The following RANBP17 variants were observed in gnomAD, a reference collection of about 807,000 sequenced individuals.
The protein encoded by RANBP17 is ran-binding protein 17.
In RANBP17, 158 loss-of-function variants were observed where a neutral mutation model predicts 141.2. The ratio of observed to expected loss-of-function variants is 1.12; its 90% CI spans 0.98 to 1.28. RANBP17 has a LOEUF of 1.28. Ranked by LOEUF, RANBP17 falls within the 50% of genes most tolerant of loss-of-function variation. The pLI, the probability that RANBP17 is intolerant of heterozygous loss-of-function variation, is 0.00. For synonymous variants in RANBP17, 430 were observed against 450.0 expected, an observed-to-expected ratio of 0.96 and a Z score of 0.56; for missense variants, 1,438 against 1,290.7, an observed-to-expected ratio of 1.11 and a Z score of -1.75.
chr5:171,053,076 T>C (rs1783066908), intron 14 of RANBP17, among the ~76,000 whole-genome samples: 1 of 152,176 alleles, frequency 6.6e-6, no homozygotes, highest in Non-Finnish European at 1.5e-5. Flanking sequence ...TGCCTCAGCA[T>C]CCCAAAGTCC....
intron 18 of RANBP17, among the ~76,000 whole-genome samples, chr5:171,186,337 C>T (rs1761233195): frequency 6.6e-6 from 1 of 152,072 alleles, no homozygotes; most frequent in Non-Finnish European, 1.5e-5. Flanking sequence ...TCCATCAGCA[C>T]TTGGCTGCTT....
At chr5:171,027,701 T>G (rs142802431) in intron 14 of RANBP17, among the ~76,000 whole-genome samples, 1 of 152,156 alleles carries the variant, frequency 6.6e-6, no homozygotes, top group Non-Finnish European at 1.5e-5. Context: ...CCTAATATAG[T>G]GATTTTTATC....
intron 14 of RANBP17, among the ~76,000 whole-genome samples, chr5:171,136,997 T>C (rs1324966872): frequency 5.3e-5 from 8 of 152,134 alleles, no homozygotes; most frequent in African/African-American, 1.9e-4. Context: ...GTGGCTGGCT[T>C]TTGTTTACCT....
chr5:170,881,736 G>C (rs1768712629), intron 2 of RANBP17, 70 bp from the exon 3 acceptor site: 2 of 1,103,020 alleles, frequency 1.8e-6, no homozygotes, highest in Non-Finnish European at 2.5e-6. Context: ...TTGCTTAGAA[G>C]AACATCTCTA....
chr5:170,986,082 A>G (rs1286839167), intron 14 of RANBP17, among the ~76,000 whole-genome samples: 3 of 152,048 alleles, frequency 2.0e-5, no homozygotes, highest in Non-Finnish European at 4.4e-5. Context: ...TCCCCAGCTC[A>G]CGCTTGTTGT....
intron 12 of RANBP17, among the ~76,000 whole-genome samples, chr5:170,934,430 C>T (rs536843316): frequency 6.6e-6 from 1 of 152,144 alleles, no homozygotes; most frequent in South Asian, 2.1e-4. Context: ...TAGTATTGGT[C>T]TTATTTGGCA....
At chr5:171,130,409 C>T (rs1467518728) in intron 14 of RANBP17, among the ~76,000 whole-genome samples, 1 of 145,772 alleles carries the variant, frequency 6.9e-6, no homozygotes, top group East Asian at 2.0e-4. Flanking sequence ...AAAATATGCT[C>T]AATCAGAATA....
intron 25 of RANBP17, among the ~76,000 whole-genome samples, chr5:171,282,517 C>T (rs1028551348): frequency 6.6e-6 from 1 of 151,986 alleles, no homozygotes; most frequent in Admixed American, 6.6e-5. Context: ...AGTTTTCTGT[C>T]GCCCAGGCTG....
intron 14 of RANBP17, among the ~76,000 whole-genome samples, chr5:171,106,598 A>G (rs540550017): frequency 6.6e-6 from 1 of 152,336 alleles, no homozygotes; most frequent in Admixed American, 6.5e-5. Flanking sequence ...TGGTCAATCA[A>G]GTCAGACTTG....
At chr5:170,924,195 A>G (rs1233777959) in intron 11 of RANBP17, among the ~76,000 whole-genome samples, 162 bp from the exon 12 acceptor site, 2 of 152,036 alleles carry the variant, frequency 1.3e-5, no homozygotes, top group African/African-American at 2.4e-5. Flanking sequence ...GGATTTCGCT[A>G]TGTTGGCCTG....
At chr5:170,895,990 A>T in intron 4 of RANBP17, 60 bp from the exon 5 acceptor site, 2 of 939,116 alleles carry the variant, frequency 2.1e-6, no homozygotes, top group Non-Finnish European at 3.2e-6. Flanking sequence ...TACCTGGTAT[A>T]TACATTAAGA....
intron 14 of RANBP17, among the ~76,000 whole-genome samples, chr5:171,069,004 A>C (rs776437403): frequency 3.3e-5 from 5 of 150,540 alleles, no homozygotes; most frequent in Non-Finnish European, 7.4e-5. Flanking sequence ...TATCCTTGTC[A>C]TGTGTGGTCA....
intron 14 of RANBP17, among the ~76,000 whole-genome samples, chr5:171,112,201 G>A (rs968925802): frequency 6.6e-6 from 1 of 152,084 alleles, no homozygotes; most frequent in Non-Finnish European, 1.5e-5. Context: ...TTGGTGAGCA[G>A]GGATAACAGT....
chr5:170,916,085 T>A lies in RANBP17; in HGVS notation c.835-380T>A. Among the ~76,000 whole-genome samples the A allele has an allele frequency of 1.3e-5, 2 of 151,174 alleles. 1 individual carries two copies. ...TTATATTGCATTATAATGCATTATA[T>A]TCTATATTGCATTATCATGCGTTAT... On this transcript the variant is annotated intron_variant, in intron 8 of 27. Coordinates refer to ENST00000523189, the MANE Select transcript of RANBP17 (RefSeq NM_022897.5).
chr5:170,908,255 C>G (rs982744357), intron 5 of RANBP17, among the ~76,000 whole-genome samples: 1 of 151,826 alleles, frequency 6.6e-6, no homozygotes, highest in Non-Finnish European at 1.5e-5. Flanking sequence ...AAAGCAAAGA[C>G]GTGGAATCAG....
At chr5:170,988,649 C>T (rs762193046) in intron 14 of RANBP17, among the ~76,000 whole-genome samples, 1 of 151,564 alleles carries the variant, frequency 6.6e-6, no homozygotes, top group Non-Finnish European at 1.5e-5. Context: ...CACAAATATG[C>T]ATATTTTCCC....
At chr5:170,979,407 C>T (rs866590021) in intron 14 of RANBP17, among the ~76,000 whole-genome samples, 2 of 152,102 alleles carry the variant, frequency 1.3e-5, no homozygotes, top group Non-Finnish European at 2.9e-5. Context: ...GCAACTGTAT[C>T]ATAATGAGAG....
chr5:170,978,184 C>T (rs903350724), intron 14 of RANBP17, among the ~76,000 whole-genome samples: 3 of 152,030 alleles, frequency 2.0e-5, no homozygotes, highest in African/African-American at 4.8e-5. Flanking sequence ...GACAAAATGG[C>T]TAAAAATTTT....
chr5:171,052,490 A>G (rs1486950040), intron 14 of RANBP17, among the ~76,000 whole-genome samples: 1 of 151,938 alleles, frequency 6.6e-6, no homozygotes, highest in Non-Finnish European at 1.5e-5. Flanking sequence ...TTCTTTCCCC[A>G]TAAAAGTATC....
Sources: gnomAD v4.1 joint callset for allele counts (sites outside exome capture counted in the v4.1 genomes callset) on GRCh38, gnomAD v4.1.1 for gene constraint, MANE v1.5 for transcripts, NCBI Gene and HGNC (gene_info 2026-07-23, HGNC 2026-07-21) for gene names.